The following SUMO2 variants were observed in gnomAD, a reference collection of about 807,000 sequenced individuals.
SUMO2 encodes small ubiquitin-related modifier 2.
In SUMO2, 1 loss-of-function variant was observed where a neutral mutation model predicts 16.0. The ratio of observed to expected loss-of-function variants is 0.06; its 90% confidence interval spans 0.02 to 0.30. The LOEUF is 0.30. Ranked by LOEUF, SUMO2 falls within the 10% of genes least tolerant of loss-of-function variation. The pLI, the probability that SUMO2 is intolerant of heterozygous loss-of-function variation, is 1.00. For missense variants in SUMO2, 16 were observed against 117.5 expected (o/e 0.14, Z 3.99); for synonymous variants, 36 against 40.6 (o/e 0.89, Z 0.43).
At chr17:75,178,076 T>C (rs2074797845) in intron 2 of SUMO2, among the ~76,000 whole-genome samples, 1 of 150,442 alleles carries the variant, frequency 6.6e-6, no homozygotes. Flanking sequence ...GAGGACTGCT[T>C]GAGCCTGGGA....
chr17:75,174,173 TGTG>T (rs1313882594), intron 3 of SUMO2, among the ~76,000 whole-genome samples: 2 of 152,132 alleles, frequency 1.3e-5, no homozygotes, highest in Non-Finnish European at 2.9e-5. Context: ...GCGGATTACT[TGTG>T]GTCAGCAGTT....
At chr17:75,172,584 C>A (rs533449830) in intron 3 of SUMO2, among the ~76,000 whole-genome samples, 2 of 149,708 alleles carry the variant, frequency 1.3e-5, no homozygotes, top group East Asian at 3.9e-4. Context: ...TGGGTTCAAG[C>A]GATTCTCCTG....
intron 2 of SUMO2, among the ~76,000 whole-genome samples, chr17:75,179,802 G>A (rs991640922): frequency 5.3e-5 from 8 of 151,956 alleles, no homozygotes; most frequent in Non-Finnish European, 7.4e-5. Flanking sequence ...GGGATTATGC[G>A]CGTGTAACAC....
intron 1 of SUMO2, among the ~76,000 whole-genome samples, chr17:75,181,591 A>C (rs2074829422): frequency 6.6e-6 from 1 of 152,214 alleles, no homozygotes; most frequent in African/African-American, 2.4e-5. Flanking sequence ...AAGAAACAAA[A>C]CAATAAATCT....
rs575838463 is a variant in SUMO2, at chr17:75,179,067, T to C, written c.153+1990A>G. 8.5e-5 allele frequency among the ~76,000 whole-genome samples: 13 copies of C among 152,310 alleles called. No homozygotes were observed. In the South Asian group the frequency reaches 2.1e-3, roughly 24 times the overall value. On this transcript the variant is annotated intron_variant, in intron 2 of 3. Coordinates refer to ENST00000420826, the MANE Select transcript of SUMO2 (RefSeq NM_006937.4). Reference sequence around the variant, plus strand: ...ACGCCCAGCCTATGATTTTCTATTTTGTATGCAGTTTTGCTAAAGAAGTTC... The same window carrying C: ...ACGCCCAGCCTATGATTTTCTATTTCGTATGCAGTTTTGCTAAAGAAGTTC...
chr17:75,176,183 G>T (rs973433353), intron 2 of SUMO2, among the ~76,000 whole-genome samples: 13 of 152,034 alleles, frequency 8.6e-5, no homozygotes, highest in Admixed American at 1.3e-4. Context: ...GGGACTACAG[G>T]CTCATGCCAC....
In SUMO2 at chr17:75,168,220, A is replaced by G; in HGVS notation, c.*119T>C. 1.4e-6 allele frequency: 1 copy of G among 708,572 alleles called. No homozygotes were observed. The highest frequency in any genetic ancestry group is 2.2e-6 in the Non-Finnish European group (1 of 450,332). 43.9% of individuals were successfully genotyped at this position (708,572 alleles called of 1,614,324 possible). On this transcript the variant is annotated 3_prime_UTR_variant, in exon 4 of 4. Transcript: ENST00000420826. ...ATGGGGAAGGGGGAAATGAAAGAAT[A>G]GAGAAAACTATACGGTAGTAGTCAG...
intron 3 of SUMO2, among the ~76,000 whole-genome samples, chr17:75,173,888 A>G (rs1204529050): frequency 6.6e-6 from 1 of 152,220 alleles, no homozygotes; most frequent in African/African-American, 2.4e-5. Flanking sequence ...GATCCTACAG[A>G]AAGTGACAGA....
rs1452227188 is a variant in SUMO2 at position 75,182,952 on chromosome 17, G to C, written c.-118C>G. 4.5e-6 allele frequency: 4 copies of C among 890,258 alleles called. No homozygotes were observed. Among genetic ancestry groups the C allele is most frequent in the Non-Finnish European group, 4.5e-6 (3 of 662,922 alleles). The allele number at this position is 890,258 out of a possible 1,614,324, so 55.1% of individuals were successfully genotyped here. ...AGAAGGAGGCGGCAGCGGTGGACGA[G>C]GGGAGAGGGTGCGCGCACGTCGTGC... is the stretch of plus-strand genomic sequence containing the variant. On this transcript the variant is annotated 5_prime_UTR_variant, in exon 1 of 4. Transcript: ENST00000420826.
chr17:75,170,622 T>G (rs2074729820), intron 3 of SUMO2, among the ~76,000 whole-genome samples: 1 of 150,364 alleles, frequency 6.7e-6, no homozygotes, highest in African/African-American at 2.5e-5. Flanking sequence ...ACGGCAGGCG[T>G]GGTGGCTCAC....
At chr17:75,171,965 T>C (rs548637163) in intron 3 of SUMO2, among the ~76,000 whole-genome samples, 1 of 151,768 alleles carries the variant, frequency 6.6e-6, no homozygotes, top group East Asian at 1.9e-4. Flanking sequence ...GCCTCATTTA[T>C]CAATAGAATT....
In SUMO2 at chr17:75,166,134, C is replaced by T. The variant is rs1051193199; in HGVS notation, c.*2205G>A. The stretch of plus-strand genomic sequence containing the variant: ...AGACAAGGGACTGAGGCCAGAAGTT[C>T]GAGACCAAACTGGTCAACATGGTGA... On this transcript the variant is annotated 3_prime_UTR_variant, in exon 4 of 4. Transcript: ENST00000420826. 1 of 152,132 alleles carries T rather than the reference C, an allele frequency of 6.6e-6. No homozygotes were observed. Among genetic ancestry groups the T allele is most frequent in the South Asian group, 2.1e-4 (1 of 4,828 alleles). 9.4% of individuals were successfully genotyped at this position (152,132 alleles called of 1,614,324 possible). A position where few individuals can be genotyped will look rare whatever the true frequency, so the allele number is the denominator to read the frequency against.
At chr17:75,180,945 A>G in intron 2 of SUMO2, 112 bp downstream of exon 2, 1 of 1,275,978 alleles carries the variant, frequency 7.8e-7, no homozygotes, top group African/African-American at 1.5e-5. Context: ...CCAAGTGCAT[A>G]TTCATCCCAT....
At chr17:75,182,142 TGGTGTTCGC>T (rs1017272542) in intron 1 of SUMO2, among the ~76,000 whole-genome samples, 1 of 152,012 alleles carries the variant, frequency 6.6e-6, no homozygotes, top group African/African-American at 2.4e-5. Context: ...TGAAACCACA[TGGTGTTCGC>T]GGATTAGGGG....
At chr17:75,177,957 C>G (rs1322990307) in intron 2 of SUMO2, among the ~76,000 whole-genome samples, 1 of 131,742 alleles carries the variant, frequency 7.6e-6, no homozygotes, top group Non-Finnish European at 1.6e-5. Context: ...TCACTACACT[C>G]CAGTCTGACC....
chr17:75,169,498 C>T (rs1430189307), intron 3 of SUMO2, among the ~76,000 whole-genome samples: 1 of 151,536 alleles, frequency 6.6e-6, no homozygotes. Flanking sequence ...ATTCTCCTGC[C>T]TCAGCCTCCC....
chr17:75,174,322 C>T (rs914121971), intron 3 of SUMO2, among the ~76,000 whole-genome samples: 2 of 152,090 alleles, frequency 1.3e-5, no homozygotes, highest in Non-Finnish European at 2.9e-5. Context: ...GCATGGCAGG[C>T]GAGGGCTGCC....
chr17:75,181,248 AAGC>A, intron 1 of SUMO2, 60 bp from the exon 2 acceptor site: 2 of 1,572,416 alleles, frequency 1.3e-6, no homozygotes, highest in Non-Finnish European at 1.7e-6. Context: ...ACGTTTTATA[AAGC>A]AGCAGCAGCC....
chr17:75,168,659 G>C (rs1249222861), intron 3 of SUMO2, among the ~76,000 whole-genome samples: 1 of 151,828 alleles, frequency 6.6e-6, no homozygotes, highest in African/African-American at 2.4e-5. Flanking sequence ...CTGGACTGCA[G>C]TGGCGTGATC....
Sources: allele counts gnomAD v4.1 joint callset (sites outside exome capture counted in the v4.1 genomes callset), GRCh38; gene constraint gnomAD v4.1.1; transcripts MANE v1.5; gene names NCBI Gene and HGNC (gene_info 2026-07-23, HGNC 2026-07-21).